Variants in XPC observed in about 807,000 individuals in gnomAD.
XPC encodes the protein XPC complex subunit, DNA damage recognition and repair factor, also known as DNA repair protein complementing XP-C cells.
Under a neutral mutation model 95.8 loss-of-function variants are expected in XPC, and 76 were observed. That is an observed-to-expected ratio of 0.79 (90% CI 0.66 to 0.96). The LOEUF (loss-of-function observed/expected upper bound fraction) is 0.96, where lower values mean the gene tolerates loss of function less well. XPC is among the 40% of genes least tolerant of loss of function. XPC has a pLI of 0.00. For synonymous variants in XPC, 442 were observed against 442.1 expected (o/e 1.00, Z 0.00); for missense variants, 1,146 against 1,179.8 (o/e 0.97, Z 0.42).
chr3:14,161,145 T>C (rs946804849), intron 7 of XPC, among the ~76,000 whole-genome samples: 6 of 152,116 alleles, frequency 3.9e-5, no homozygotes, highest in Middle Eastern at 6.8e-3. Context: ...ACTCAAGAAG[T>C]AATGGAAAAT....
intron 7 of XPC, among the ~76,000 whole-genome samples, chr3:14,160,174 C>T (rs1696111886): frequency 6.6e-6 from 1 of 152,140 alleles, no homozygotes; most frequent in Non-Finnish European, 1.5e-5. Context: ...TGGGTGTTTA[C>T]ATGCTTTTTT....
chr3:14,173,069 G>T lies in XPC; in HGVS notation c.104-7C>A. ...TTCTCATCTTCAAAGGCATCTAGGT[G>T]ACAACACAGAACATAAGGTGAGGGG... On this transcript the variant is annotated splice_region_variant and splice_polypyrimidine_tract_variant and intron_variant, in intron 1 of 15. Coordinates refer to ENST00000285021, the MANE Select transcript of XPC (RefSeq NM_004628.5). The T allele has an allele frequency of 6.4e-7, 1 of 1,558,456 alleles. No homozygotes were observed. Among genetic ancestry groups the T allele is most frequent in the South Asian group, 1.2e-5 (1 of 82,102 alleles).
Position 14,145,330 on chromosome 3 carries a change from A to T in XPC, c.*611T>A, listed in dbSNP as rs2470352. The stretch of plus-strand genomic sequence containing the variant: ...TTCTTTCCTGATTTTAGCTTTTTTT[A>T]GGCTTCTGTCACCACAAAATGTTAC... On this transcript the variant is annotated 3_prime_UTR_variant, in exon 16 of 16. Coordinates refer to ENST00000285021, the MANE Select transcript of XPC (RefSeq NM_004628.5). 0.17 allele frequency: 120,630 copies of T among 697,562 alleles called. 12,046 individuals carry two copies. The highest frequency in any genetic ancestry group is 0.21 in the Non-Finnish European group (80,203 of 383,882). The allele number at this position is 697,562 out of a possible 1,614,324, so 43.2% of individuals were successfully genotyped here.
At chr3:14,148,976 A>C in intron 11 of XPC, 28 bp from the exon 12 acceptor site, 1 of 1,612,256 alleles carries the variant, frequency 6.2e-7, no homozygotes, top group South Asian at 1.1e-5. Context: ...GCCACCGTTT[A>C]CAACAAAGGC....
At chr3:14,160,021 C>T (rs193277083) in intron 7 of XPC, 191 bp from the exon 8 acceptor site, 193 of 544,310 alleles carry the variant, frequency 3.5e-4, no homozygotes, top group African/African-American at 3.5e-3. Flanking sequence ...CGTAGAAGAA[C>T]AGGAACATGC....
In XPC at chr3:14,145,896, T is replaced by A; in HGVS notation, c.*45A>T. ...CCCAGGGCAGGTGTGGGGCCTGTAGTGGGGCAGCAGCAACTGGTGGGTGCC... is the reference window on the plus strand; with the variant it reads ...CCCAGGGCAGGTGTGGGGCCTGTAGAGGGGCAGCAGCAACTGGTGGGTGCC... On this transcript the variant is annotated 3_prime_UTR_variant, in exon 16 of 16. Coordinates refer to ENST00000285021, the MANE Select transcript of XPC (RefSeq NM_004628.5). The A allele has an allele frequency of 6.3e-7, 1 of 1,577,968 alleles. No individual in the cohort carries two copies. The highest frequency in any genetic ancestry group is 8.6e-7 in the Non-Finnish European group (1 of 1,156,912).
At chr3:14,172,307 CA>C (rs1696646332) in intron 2 of XPC, among the ~76,000 whole-genome samples, 1 of 152,120 alleles carries the variant, frequency 6.6e-6, no homozygotes, top group Non-Finnish European at 1.5e-5. Flanking sequence ...AGACATATCA[CA>C]CTCCCTAGAA....
chr3:14,154,741 G>A (rs1358319508), intron 10 of XPC, among the ~76,000 whole-genome samples: 1 of 152,030 alleles, frequency 6.6e-6, no homozygotes, highest in African/African-American at 2.4e-5. Flanking sequence ...CAGTGTGAAT[G>A]TGCTTAATGC....
At chr3:14,174,220 A>C (rs1696722756) in intron 1 of XPC, among the ~76,000 whole-genome samples, 1 of 152,346 alleles carries the variant, frequency 6.6e-6, no homozygotes, top group East Asian at 1.9e-4. Flanking sequence ...ATGGAAACCA[A>C]AAAATAAGGA....
chr3:14,156,526 T>C (rs369237642), intron 9 of XPC, 31 bp from the exon 10 acceptor site: 27 of 1,613,432 alleles, frequency 1.7e-5, no homozygotes, highest in East Asian at 2.2e-5. Flanking sequence ...AGGTTGAGCA[T>C]GTTATTTAGA....
chr3:14,146,373 C>T (rs377408248), intron 15 of XPC, among the ~76,000 whole-genome samples: 47 of 152,206 alleles, frequency 3.1e-4, no homozygotes, highest in African/African-American at 1.1e-3. Context: ...GCACCTGCTA[C>T]GAGCTGAGTG....
chr3:14,147,974 T>G lies in XPC; in HGVS notation c.2448A>C (p.Glu816Asp), dbSNP rs1695512995. Residue 816 changes from glutamate (E) to aspartate (D), a missense_variant, in exon 14 of 16, where the codon GAA becomes GAC. By Grantham distance (45) the Glu-to-Asp change is conservative (BLOSUM62 2). Coordinates refer to ENST00000285021, the MANE Select transcript of XPC (RefSeq NM_004628.5). ...PVTDGYIVCE[E>D]FKDVLLTAWE... ...AGGCAGTCAGGAGCACGTCTTTGAA[T>G]TCCTCGCAGACGATGTATCCATCAG... The G allele has an allele frequency of 2.5e-6, 4 of 1,596,504 alleles. No homozygotes were observed. Among genetic ancestry groups the G allele is most frequent in the Non-Finnish European group, 3.4e-6 (4 of 1,170,792 alleles).
At position 14,146,131 on chromosome 3, in the gene XPC, G is replaced by A. The variant is rs183167499; in HGVS notation, c.2633C>T (p.Ala878Val). 10 of 1,610,462 alleles carry A rather than the reference G, an allele frequency of 6.2e-6. No individual in the cohort carries two copies. The highest frequency in any genetic ancestry group is 7.6e-6 in the Non-Finnish European group (9 of 1,179,024). The part of the protein sequence containing the change: ...KSEAAAPHTD[A>V]GGGLSSDEEE... Reference sequence around the variant, plus strand: ...TTCATCAGAAGAGAGTCCACCTCCTGCATCTGTGTGGGGAGCTGCTGCCTC... The same window carrying A: ...TTCATCAGAAGAGAGTCCACCTCCTACATCTGTGTGGGGAGCTGCTGCCTC... Residue 878 changes from alanine (A) to valine (V), a missense_variant, in exon 16 of 16, where the codon GCA (alanine) becomes GTA (valine). Coordinates refer to ENST00000285021, the MANE Select transcript of XPC (RefSeq NM_004628.5).
intron 11 of XPC, 60 bp from the exon 12 acceptor site, chr3:14,149,008 C>T (rs1695573703): frequency 6.2e-7 from 1 of 1,601,562 alleles, no homozygotes; most frequent in Non-Finnish European, 8.5e-7. Context: ...CAGCACCGGG[C>T]CAGGCACCAT....
At chr3:14,165,651 T>G in intron 5 of XPC, 66 bp from the exon 6 acceptor site, 1 of 1,580,512 alleles carries the variant, frequency 6.3e-7, no homozygotes, top group African/African-American at 1.3e-5. Context: ...GAATTTTTGC[T>G]GCCAAAGTCA....
intron 1 of XPC, among the ~76,000 whole-genome samples, chr3:14,174,946 AGTTCAGT>A (rs1396904680): frequency 6.6e-6 from 1 of 151,962 alleles, no homozygotes; most frequent in Non-Finnish European, 1.5e-5. Context: ...AGACTCCTTG[AGTTCAGT>A]GTTCTTTCAG....
At chr3:14,167,051 G>C in intron 5 of XPC, 118 bp downstream of exon 5, 2 of 847,762 alleles carry the variant, frequency 2.4e-6, no homozygotes, top group Non-Finnish European at 3.5e-6. Flanking sequence ...CAAAGGCTCA[G>C]AGAGAGTAAG....
At chr3:14,166,685 C>G (rs1288426033) in intron 5 of XPC, among the ~76,000 whole-genome samples, 1 of 152,232 alleles carries the variant, frequency 6.6e-6, no homozygotes, top group Non-Finnish European at 1.5e-5. Flanking sequence ...ATCTCTTTCA[C>G]TGTTCCAGGC....
intron 9 of XPC, 52 bp downstream of exon 9, chr3:14,157,959 T>G (rs1695985896): frequency 1.3e-6 from 2 of 1,535,930 alleles, no homozygotes; most frequent in Non-Finnish European, 1.8e-6. Context: ...AAAACAGGAA[T>G]AATTTTAATA....
Sources: gnomAD v4.1 joint callset for allele counts (sites outside exome capture counted in the v4.1 genomes callset) on GRCh38, gnomAD v4.1.1 for gene constraint, MANE v1.5 for transcripts, NCBI Gene and HGNC (gene_info 2026-07-23, HGNC 2026-07-21) for gene names.